The following CCNJL variants were observed in gnomAD, a reference collection of about 807,000 sequenced individuals.
The protein encoded by CCNJL is cyclin J like.
In CCNJL, 33 loss-of-function variants were observed where a neutral mutation model predicts 33.4. That is an observed-to-expected ratio of 0.99 (90% CI 0.75 to 1.32). CCNJL has a LOEUF of 1.32. CCNJL is among the 40% of genes most tolerant of loss of function. The pLI, the probability that CCNJL is intolerant of heterozygous loss-of-function variation, is 0.00. For synonymous variants in CCNJL, 227 were observed against 220.9 expected, an observed-to-expected ratio of 1.03 and a Z score of -0.24; for missense variants, 512 against 499.7, an observed-to-expected ratio of 1.02 and a Z score of -0.23.
chr5:160,317,716 C>T (rs1247498488), upstream of CCNJL, among the ~76,000 whole-genome samples: 1 of 152,148 alleles, frequency 6.6e-6, no homozygotes, highest in Non-Finnish European at 1.5e-5. Flanking sequence ...AAGGTGTTAT[C>T]AGTTTCTGGG....
At chr5:160,258,817 C>T (rs1005626888) in intron 4 of CCNJL, among the ~76,000 whole-genome samples, 1 of 152,210 alleles carries the variant, frequency 6.6e-6, no homozygotes, top group Admixed American at 6.5e-5. Flanking sequence ...CTGCCTCAGC[C>T]TCCCAAATAG....
intron 4 of CCNJL, 36 bp downstream of exon 4, chr5:160,259,433 G>T: frequency 1.3e-6 from 2 of 1,576,692 alleles, no homozygotes; most frequent in African/African-American, 2.7e-5. Flanking sequence ...GGTGGGGAAG[G>T]GGTGGGAGGT....
chr5:160,319,660 G>A (rs982986251), intron 1 of CCNJL, among the ~76,000 whole-genome samples: 11 of 152,232 alleles, frequency 7.2e-5, no homozygotes, highest in Admixed American at 1.3e-4. Context: ...GTCAGGCACA[G>A]TGACTCAAGT....
At position 160,271,536 on chromosome 5, in the gene CCNJL, C is replaced by G. The variant is rs563736157; in HGVS notation, c.280+8989G>C. On this transcript the variant is annotated intron_variant, in intron 3 of 5. Transcript: ENST00000257536. ...TCCCCTGAAACAGCTCTAAGCCTGCCAGTCTGCAGAGATGGGAACAGGAAA... is the reference window on the plus strand; with the variant it reads ...TCCCCTGAAACAGCTCTAAGCCTGCGAGTCTGCAGAGATGGGAACAGGAAA... 5.9e-5 allele frequency among the ~76,000 whole-genome samples: 9 copies of G among 152,300 alleles called. No homozygotes were observed. In the East Asian group the frequency reaches 1.3e-3, roughly 23 times the overall value.
At chr5:160,308,021 C>T (rs1482199748) in intron 2 of CCNJL, among the ~76,000 whole-genome samples, 2 of 152,116 alleles carry the variant, frequency 1.3e-5, no homozygotes, top group African/African-American at 4.8e-5. Context: ...TGAACTAGTC[C>T]CTTTCCTGAC....
intron 2 of CCNJL, among the ~76,000 whole-genome samples, chr5:160,304,193 G>C (rs1330392344): frequency 1.3e-5 from 2 of 152,194 alleles, no homozygotes; most frequent in African/African-American, 4.8e-5. Context: ...TGAGCATTTT[G>C]GTATTCTAAG....
chr5:160,310,645 A>G (rs190117322), intron 2 of CCNJL, among the ~76,000 whole-genome samples: 42 of 152,194 alleles, frequency 2.8e-4, no homozygotes, highest in South Asian at 1.2e-3. Context: ...TCAGAATGTG[A>G]CCTTACTTGG....
At chr5:160,321,020 TTCTTTCTTTCTTTC>T (rs1561812772) in intron 1 of CCNJL, among the ~76,000 whole-genome samples, 2 of 18,934 alleles carry the variant, frequency 1.1e-4, no homozygotes, top group Non-Finnish European at 2.1e-4. Context: ...CTCTCTTTCT[TTCTTTCTTTCTTTC>T]TTTCTTTCTT....
At chr5:160,332,249 T>C (rs1398286766) in intron 1 of CCNJL, among the ~76,000 whole-genome samples, 2 of 152,178 alleles carry the variant, frequency 1.3e-5, no homozygotes, top group African/African-American at 4.8e-5. Context: ...CTTTCTTTTA[T>C]TGAGGACACA....
intron 1 of CCNJL, among the ~76,000 whole-genome samples, chr5:160,322,487 G>A (rs1467308437): frequency 6.6e-6 from 1 of 152,224 alleles, no homozygotes; most frequent in Non-Finnish European, 1.5e-5. Context: ...TATAAAGGGT[G>A]TTGAATAAGT....
chr5:160,257,081 G>A (rs1325315562), intron 4 of CCNJL, among the ~76,000 whole-genome samples: 2 of 152,046 alleles, frequency 1.3e-5, no homozygotes, highest in African/African-American at 4.8e-5. Context: ...GACTCCCAAG[G>A]TTCAAATCCT....
upstream of CCNJL, among the ~76,000 whole-genome samples, chr5:160,317,523 T>C (rs1482712570): frequency 6.6e-6 from 1 of 152,204 alleles, no homozygotes; most frequent in Non-Finnish European, 1.5e-5. Context: ...TCTGTTTGCA[T>C]GTACTATATC....
intron 2 of CCNJL, among the ~76,000 whole-genome samples, chr5:160,308,492 TCA>T: frequency 6.6e-6 from 1 of 152,188 alleles, no homozygotes; most frequent in South Asian, 2.1e-4. Flanking sequence ...GCACGGTGGC[TCA>T]CGCCTGTAAT....
chr5:160,336,510 G>A (rs937853435), intron 1 of CCNJL, among the ~76,000 whole-genome samples: 4 of 152,180 alleles, frequency 2.6e-5, no homozygotes, highest in Admixed American at 6.5e-5. Flanking sequence ...CAGAGTAAGC[G>A]CGGCCCTGCT....
intron 3 of CCNJL, among the ~76,000 whole-genome samples, chr5:160,273,801 C>T (rs753089538): frequency 2.6e-5 from 4 of 151,914 alleles, no homozygotes; most frequent in African/African-American, 4.8e-5. Flanking sequence ...TGCCCACCAC[C>T]ACAACCGGCT....
chr5:160,309,358 C>T (rs1213944488), intron 2 of CCNJL, among the ~76,000 whole-genome samples: 3 of 152,190 alleles, frequency 2.0e-5, no homozygotes, highest in Non-Finnish European at 4.4e-5. Flanking sequence ...CTCCCAACGT[C>T]TCAGTGATCT....
intron 2 of CCNJL, among the ~76,000 whole-genome samples, chr5:160,298,202 G>C (rs899375554): frequency 6.6e-6 from 1 of 152,118 alleles, no homozygotes; most frequent in African/African-American, 2.4e-5. Flanking sequence ...TACCCCACAA[G>C]ACTATGTTGA....
At chr5:160,302,680 C>CCAT (rs1201617006) in intron 2 of CCNJL, among the ~76,000 whole-genome samples, 3 of 152,020 alleles carry the variant, frequency 2.0e-5, no homozygotes, top group Non-Finnish European at 4.4e-5. Flanking sequence ...GGCGTCATGG[C>CCAT]ACATGCCTGT....
At chr5:160,295,836 G>A (rs973997995) in intron 2 of CCNJL, among the ~76,000 whole-genome samples, 32 of 152,228 alleles carry the variant, frequency 2.1e-4, no homozygotes, top group African/African-American at 7.7e-4. Flanking sequence ...CTCCACAACT[G>A]TGAGAGAATA....
Sources: allele counts gnomAD v4.1 joint callset (sites outside exome capture counted in the v4.1 genomes callset), GRCh38; gene constraint gnomAD v4.1.1; transcripts MANE v1.5; gene names NCBI Gene and HGNC (gene_info 2026-07-23, HGNC 2026-07-21).